The following MAP3K15 variants were observed in gnomAD, a reference collection of about 807,000 sequenced individuals.
The protein encoded by MAP3K15 is MAPK/ERK kinase kinase 15.
A neutral mutation model predicts 99.5 loss-of-function variants in MAP3K15; 124 were observed. That is an observed-to-expected ratio of 1.25 (90% CI 1.08 to 1.45). MAP3K15 has a LOEUF of 1.45. Ranked by LOEUF, MAP3K15 falls within the 40% of genes most tolerant of loss-of-function variation. The probability of loss-of-function intolerance (pLI) is 0.00; values close to 1 mark genes in which losing one functional copy is unlikely to be tolerated. For missense variants in MAP3K15, 1,242 were observed against 1,079.7 expected (o/e 1.15, Z -2.11); for synonymous variants, 494 against 439.6 (o/e 1.12, Z -1.55).
rs1372165438 is a variant in MAP3K15, at chrX:19,373,639, T to C, written c.2830A>G (p.Ser944Gly). 3.3e-6 allele frequency: 4 copies of C among 1,200,116 alleles called. No homozygotes were observed. The highest frequency in any genetic ancestry group is 2.5e-4 in the Middle Eastern group (1 of 3,939). The change falls in exon 21 of 29, where the codon AGC becomes GGC. Residue 944 changes from serine (S) to glycine (G), a missense_variant. Physicochemically the swap from Ser to Gly is moderately conservative, Grantham distance 56. Coordinates refer to ENST00000338883, the MANE Select transcript of MAP3K15 (RefSeq NM_001001671.4). ...LPTQGEPMAT[S>G]SSEHGSVSPD... ...GAGACAGAGCCGTGCTCGCTGCTGC[T>C]GGTGGCCATGGGCTCTCCCTGTGTG...
rs992259790 is a variant in MAP3K15, at chrX:19,441,222, T to C, written c.996-9614A>G. ...GCCATAGAGACAGAAAAGAGACTAG[T>C]GTTTTCCTCAGGCTAGAGAGTGAGG... On this transcript the variant is annotated intron_variant, in intron 6 of 28. Transcript: ENST00000338883. Among the ~76,000 whole-genome samples the C allele has an allele frequency of 9.0e-5, 10 of 111,124 alleles. No homozygotes were observed. The East Asian group carries it at 2.6e-3, about 28-fold the overall frequency.
At chrX:19,363,749 T>C (rs1219487272) in intron 25 of MAP3K15, among the ~76,000 whole-genome samples, 1 of 108,534 alleles carries the variant, frequency 9.2e-6, no homozygotes, top group Admixed American at 9.8e-5. Context: ...GCCTCCTGGG[T>C]TCAGGCAATT....
intron 18 of MAP3K15, among the ~76,000 whole-genome samples, chrX:19,385,717 G>A (rs779950117): frequency 5.0e-4 from 56 of 111,259 alleles, no homozygotes; most frequent in Non-Finnish European, 8.7e-4. Context: ...TAAAGGATTC[G>A]CTTAGGCTAG....
intron 9 of MAP3K15, among the ~76,000 whole-genome samples, chrX:19,416,118 G>A (rs2063732257): frequency 9.0e-6 from 1 of 111,554 alleles, no homozygotes; most frequent in African/African-American, 3.3e-5. Context: ...ATGACCTGAG[G>A]TCAGGAGTCC....
intron 18 of MAP3K15, among the ~76,000 whole-genome samples, chrX:19,383,198 C>A (rs776348696): frequency 1.8e-5 from 2 of 112,105 alleles, no homozygotes; most frequent in African/African-American, 6.5e-5. Context: ...CTTCCTGATA[C>A]CTCAGGGCCT....
chrX:19,382,385 C>T (rs774432404), intron 18 of MAP3K15, among the ~76,000 whole-genome samples: 4 of 111,132 alleles, frequency 3.6e-5, no homozygotes, highest in South Asian at 3.8e-4. Context: ...GCAGCTGTGA[C>T]GGATGGAATG....
In MAP3K15 at chrX:19,507,775, ACT is replaced by A. The variant is rs765823991; in HGVS notation, c.361+7124_361+7125del. Among the ~76,000 whole-genome samples the A allele has an allele frequency of 1.3e-4, 14 of 109,059 alleles. 1 individual carries two copies. Among genetic ancestry groups the A allele is most frequent in the African/African-American group, 3.7e-4 (11 of 30,001 alleles). The allele number at this position is 109,059 out of a possible 115,157, so 94.7% of individuals were successfully genotyped here. A position where few individuals can be genotyped will look rare whatever the true frequency, so the allele number is the denominator to read the frequency against. ...AGAGGGCAGAGGGGTTGATGGGAAC[ACT>A]CTGCACTTTTCTTCTCAAGTTTGCT... On this transcript the variant is annotated intron_variant, in intron 1 of 28. Transcript: ENST00000338883.
chrX:19,369,271 C>G (rs1156676090), intron 24 of MAP3K15, 52 bp from the exon 25 acceptor site: 1 of 1,199,213 alleles, frequency 8.3e-7, no homozygotes, highest in Non-Finnish European at 1.1e-6. Context: ...CCAGTGGGGC[C>G]TGGGGTCGCA....
chrX:19,450,440 T>A (rs950054111), intron 6 of MAP3K15, among the ~76,000 whole-genome samples: 4 of 110,053 alleles, frequency 3.6e-5, no homozygotes, highest in Non-Finnish European at 7.7e-5. Flanking sequence ...TGCCATAATA[T>A]TCTGAATAAA....
Position 19,417,152 on chromosome X carries a change from C to A in MAP3K15, c.1440-1895G>T, listed in dbSNP as rs151103626. On this transcript the variant is annotated intron_variant, in intron 9 of 28. Transcript: ENST00000338883. ...AGACGGGTGATTTCTGCATTTCCAACTGAGGTACCAGGTACATCTCACTGG... is the reference window on the plus strand; with the variant it reads ...AGACGGGTGATTTCTGCATTTCCAAATGAGGTACCAGGTACATCTCACTGG... 4.5e-3 allele frequency among the ~76,000 whole-genome samples: 502 copies of A among 112,150 alleles called. 3 individuals are homozygous for A. Among genetic ancestry groups the A allele is most frequent in the Non-Finnish European group, 6.8e-3 (360 of 53,221 alleles).
At chrX:19,475,899 T>G (rs1397613217) in intron 3 of MAP3K15, among the ~76,000 whole-genome samples, 1 of 112,152 alleles carries the variant, frequency 8.9e-6, no homozygotes, top group Non-Finnish European at 1.9e-5. Flanking sequence ...TTTTCCTTCT[T>G]TTCCGCAGGC....
rs749712192 is a variant in MAP3K15, at chrX:19,421,269, G to C, written c.1439+4262C>G. 2.5e-4 allele frequency among the ~76,000 whole-genome samples: 28 copies of C among 111,253 alleles called. No individual in the cohort carries two copies. In the South Asian group the frequency reaches 8.8e-3, roughly 35 times the overall value. On this transcript the variant is annotated intron_variant, in intron 9 of 28. Coordinates refer to ENST00000338883, the MANE Select transcript of MAP3K15 (RefSeq NM_001001671.4). ...TCCCTGTTTGCAGATGACATGATTG[G>C]ATATCTAGAAAACCCCATCGTCTCG... is the stretch of plus-strand genomic sequence containing the variant.
intron 11 of MAP3K15, among the ~76,000 whole-genome samples, chrX:19,413,113 T>TACATAC (rs2063701810): frequency 1.0e-5 from 1 of 98,687 alleles, no homozygotes; most frequent in Non-Finnish European, 2.1e-5. Flanking sequence ...AATGTTTTTA[T>TACATAC]ACACACACAC....
At chrX:19,397,788 A>C (rs2063577015) in intron 15 of MAP3K15, among the ~76,000 whole-genome samples, 1 of 111,680 alleles carries the variant, frequency 9.0e-6, no homozygotes, top group Non-Finnish European at 1.9e-5. Flanking sequence ...ACAAAAGCAC[A>C]TCACCCTGGC....
chrX:19,366,454 A>T (rs1039463806), intron 25 of MAP3K15, among the ~76,000 whole-genome samples: 1 of 111,687 alleles, frequency 9.0e-6, no homozygotes, highest in South Asian at 3.7e-4. Flanking sequence ...TCTCATCTTG[A>T]ACTGTAGCTC....
intron 25 of MAP3K15, among the ~76,000 whole-genome samples, 200 bp from the exon 26 acceptor site, chrX:19,363,050 T>C (rs2063305423): frequency 8.9e-6 from 1 of 112,004 alleles, no homozygotes; most frequent in Non-Finnish European, 1.9e-5. Context: ...GAGGGGAACC[T>C]TCCTTGTGTT....
At chrX:19,416,506 C>T (rs899386623) in intron 9 of MAP3K15, among the ~76,000 whole-genome samples, 12 of 111,508 alleles carry the variant, frequency 1.1e-4, no homozygotes, top group African/African-American at 3.6e-4. Context: ...CACCATGGGA[C>T]CCATAGAGAG....
intron 7 of MAP3K15, 110 bp downstream of exon 7, chrX:19,431,328 T>C: frequency 2.8e-6 from 2 of 719,556 alleles, no homozygotes; most frequent in Non-Finnish European, 3.9e-6. Flanking sequence ...AAATGTTTGC[T>C]CCCTGCCAAC....
intron 6 of MAP3K15, among the ~76,000 whole-genome samples, chrX:19,449,607 C>A (rs907502121): frequency 3.7e-5 from 4 of 108,785 alleles, no homozygotes; most frequent in African/African-American, 1.3e-4. Flanking sequence ...GGACAGCCCC[C>A]ATGACAGAGA....
Sources: allele counts gnomAD v4.1 joint callset (sites outside exome capture counted in the v4.1 genomes callset), GRCh38; gene constraint gnomAD v4.1.1; transcripts MANE v1.5; gene names NCBI Gene and HGNC (gene_info 2026-07-23, HGNC 2026-07-21).